RAI2: variants seen among roughly 807,000 people sequenced by gnomAD.
RAI2 encodes retinoic acid-induced protein 2.
RAI2 carries 5 observed loss-of-function variants against 15.3 expected under a neutral mutation model. The ratio of observed to expected loss-of-function variants is 0.33; its 90% CI spans 0.17 to 0.69. The LOEUF (loss-of-function observed/expected upper bound fraction) is 0.69. RAI2 is among the 30% of genes least tolerant of loss of function. The pLI, the probability that RAI2 is intolerant of heterozygous loss-of-function variation, is 0.69. For missense variants in RAI2, 424 were observed against 424.7 expected (o/e 1.00, Z 0.01); for synonymous variants, 191 against 184.0 (o/e 1.04, Z -0.31).
In RAI2 at chrX:17,800,212, T is replaced by C; in HGVS notation, c.*206A>G. The C allele has an allele frequency of 2.4e-6, 1 of 425,157 alleles. No homozygotes were observed. The highest frequency in any genetic ancestry group is 3.7e-6 in the Non-Finnish European group (1 of 270,256). 35.0% of individuals were successfully genotyped at this position (425,157 alleles called of 1,213,427 possible). A position where few individuals can be genotyped will look rare whatever the true frequency, so the allele number is the denominator to read the frequency against. On this transcript the variant is annotated 3_prime_UTR_variant, in exon 2 of 2. Coordinates refer to ENST00000451717, the MANE Select transcript of RAI2 (RefSeq NM_021785.6). ...ATGTGCAATCTGCTTGAAAAATAGG[T>C]TGCTCTTATTTACTCATTTGTGAAA...
chrX:17,816,154 G>T (rs1038555997), intron 1 of RAI2, among the ~76,000 whole-genome samples: 2 of 107,758 alleles, frequency 1.9e-5, no homozygotes, highest in African/African-American at 6.8e-5. Flanking sequence ...CTCCCCACTA[G>T]GTATTTCACA....
intron 1 of RAI2, among the ~76,000 whole-genome samples, chrX:17,857,214 T>A (rs2067620795): frequency 9.0e-6 from 1 of 111,417 alleles, no homozygotes; most frequent in African/African-American, 3.3e-5. Context: ...AAGAGTGCAA[T>A]TAGCCATCTT....
rs1304056052 is a variant in RAI2 at position 17,801,374 on chromosome X, G to A, written c.637C>T (p.Pro213Ser). Residue 213 changes from proline (P) to serine (S), a missense_variant, in exon 2 of 2, where the codon CCC (proline) becomes TCC (serine). By Grantham distance (74) the Pro-to-Ser change is moderately conservative. Transcript: ENST00000451717. ...CQPPPGYAPV[P>S]PQPFSSPLSP... ...AAGGGGGAGCTAAAAGGCTGTGGGG[G>A]CACAGGGGCATAGCCAGGAGGAGGC... 2 of 1,143,621 alleles carry A rather than the reference G, an allele frequency of 1.7e-6. No individual in the cohort carries two copies. Among genetic ancestry groups the A allele is most frequent in the Non-Finnish European group, 2.3e-6 (2 of 861,147 alleles). The allele number at this position is 1,143,621 out of a possible 1,213,427, so 94.2% of individuals were successfully genotyped here.
intron 1 of RAI2, among the ~76,000 whole-genome samples, chrX:17,856,341 T>C (rs1018340267): frequency 1.8e-5 from 2 of 111,623 alleles, no homozygotes; most frequent in African/African-American, 6.5e-5. Context: ...GGGCATTTGG[T>C]TGGTGATTAG....
intron 1 of RAI2, among the ~76,000 whole-genome samples, chrX:17,804,160 A>G (rs1046241111): frequency 2.7e-5 from 3 of 110,626 alleles, no homozygotes; most frequent in Non-Finnish European, 3.8e-5. Flanking sequence ...GGGTTTCACC[A>G]TGTTGTCCGG....
intron 1 of RAI2, among the ~76,000 whole-genome samples, chrX:17,808,504 G>A (rs2067006968): frequency 9.0e-6 from 1 of 111,435 alleles, no homozygotes; most frequent in Non-Finnish European, 1.9e-5. Context: ...TGTACAGTGA[G>A]GTTGCGGACC....
At chrX:17,826,415 C>A (rs1408947589) in intron 1 of RAI2, among the ~76,000 whole-genome samples, 1 of 110,502 alleles carries the variant, frequency 9.0e-6, no homozygotes. Context: ...TTCTACTTAA[C>A]CTGGAATGTT....
At chrX:17,859,473 G>C (rs2067659981) in intron 1 of RAI2, among the ~76,000 whole-genome samples, 1 of 112,192 alleles carries the variant, frequency 8.9e-6, no homozygotes, top group African/African-American at 3.2e-5. Flanking sequence ...CAGAGGATGC[G>C]AGATAATGCT....
chrX:17,824,522 G>A (rs929922012), intron 1 of RAI2, among the ~76,000 whole-genome samples: 1 of 112,090 alleles, frequency 8.9e-6, no homozygotes, highest in Non-Finnish European at 1.9e-5. Context: ...GGAGAAAGCT[G>A]ACAGGAAAGT....
chrX:17,836,868 C>T (rs1391901597), intron 1 of RAI2, among the ~76,000 whole-genome samples: 1 of 111,955 alleles, frequency 8.9e-6, no homozygotes. Context: ...ACAGGCAGCA[C>T]CCATGGAACA....
chrX:17,834,901 T>A (rs1395251206), intron 1 of RAI2, among the ~76,000 whole-genome samples: 1 of 108,560 alleles, frequency 9.2e-6, no homozygotes, highest in Admixed American at 9.8e-5. Flanking sequence ...GGGAGGAGAG[T>A]TGTGATGAGA....
At chrX:17,833,255 C>T (rs1253430399) in intron 1 of RAI2, among the ~76,000 whole-genome samples, 1 of 111,812 alleles carries the variant, frequency 8.9e-6, no homozygotes, top group African/African-American at 3.3e-5. Flanking sequence ...GGCATGGTGG[C>T]TCAGGCCTGT....
chrX:17,820,146 C>T (rs760580500), intron 1 of RAI2, among the ~76,000 whole-genome samples: 4 of 111,779 alleles, frequency 3.6e-5, no homozygotes. Flanking sequence ...TGCCAGGAGG[C>T]CCCTTACAAA....
chrX:17,857,217 G>T (rs2067620887), intron 1 of RAI2, among the ~76,000 whole-genome samples: 1 of 111,425 alleles, frequency 9.0e-6, no homozygotes, highest in Admixed American at 9.5e-5. Flanking sequence ...AGTGCAATTA[G>T]CCATCTTTCC....
intron 1 of RAI2, among the ~76,000 whole-genome samples, chrX:17,826,710 TGG>T (rs2067230727): frequency 8.9e-6 from 1 of 112,047 alleles, no homozygotes; most frequent in Non-Finnish European, 1.9e-5. Flanking sequence ...GGGAGGGACC[TGG>T]TGGGAAGTGC....
At chrX:17,814,623 G>C (rs1273899936) in intron 1 of RAI2, among the ~76,000 whole-genome samples, 1 of 109,472 alleles carries the variant, frequency 9.1e-6, no homozygotes, top group Non-Finnish European at 1.9e-5. Context: ...TCACACTACA[G>C]GGGAATCAGC....
chrX:17,854,165 T>G (rs768384488), intron 1 of RAI2, among the ~76,000 whole-genome samples: 1 of 112,189 alleles, frequency 8.9e-6, no homozygotes, highest in Admixed American at 9.4e-5. Flanking sequence ...CATTCCTTAG[T>G]GAGCAAAACA....
At chrX:17,802,894 G>A (rs1018093086) in intron 1 of RAI2, among the ~76,000 whole-genome samples, 4 of 111,581 alleles carry the variant, frequency 3.6e-5, no homozygotes, top group African/African-American at 9.8e-5. Context: ...GAGGCCAAAG[G>A]CACCTAGCGC....
chrX:17,850,101 G>A (rs749753583), intron 1 of RAI2, among the ~76,000 whole-genome samples: 5 of 112,029 alleles, frequency 4.5e-5, no homozygotes, highest in Non-Finnish European at 9.4e-5. Context: ...CTCTAGGACA[G>A]GAGAAATGGG....
Sources: allele counts gnomAD v4.1 joint callset (sites outside exome capture counted in the v4.1 genomes callset), GRCh38; gene constraint gnomAD v4.1.1; transcripts MANE v1.5; gene names NCBI Gene and HGNC (gene_info 2026-07-23, HGNC 2026-07-21).